Variants in MYO15B observed in about 807,000 individuals in gnomAD.
The protein encoded by MYO15B is myosin XVB pseudogene.
MYO15B carries 207 observed loss-of-function variants against 119.3 expected under a neutral mutation model. The ratio of observed to expected loss-of-function variants is 1.73; its 90% CI spans 1.55 to 1.95. The LOEUF (loss-of-function observed/expected upper bound fraction) is 1.95. Ranked by LOEUF, MYO15B falls within the 30% of genes most tolerant of loss-of-function variation. MYO15B has a pLI of 0.00. For missense variants in MYO15B, 2,264 were observed against 1,203.1 expected (o/e 1.88, Z -13.04); for synonymous variants, 966 against 498.9 (o/e 1.94, Z -12.48).
At chr17:75,611,218 C>T (rs574655202) in intron 23 of MYO15B, among the ~76,000 whole-genome samples, 72 of 152,114 alleles carry the variant, frequency 4.7e-4, no homozygotes, top group Non-Finnish European at 8.5e-4. Flanking sequence ...AATCCCAGCA[C>T]TTTGAGGTCG....
chr17:75,602,949 A>G lies in MYO15B; in HGVS notation c.3845+4A>G. 1 of 692,802 alleles carries G rather than the reference A, an allele frequency of 1.4e-6. No homozygotes were observed. The highest frequency in any genetic ancestry group is 2.6e-6 in the Non-Finnish European group (1 of 379,314). The allele number at this position is 692,802 out of a possible 1,614,324, so 42.9% of individuals were successfully genotyped here. A position where few individuals can be genotyped will look rare whatever the true frequency, so the allele number is the denominator to read the frequency against. On this transcript the variant is annotated splice_donor_region_variant and intron_variant, in intron 17 of 63. Coordinates refer to ENST00000645453, the Ensembl canonical transcript of MYO15B. ...ACCTCATAGCCCGGCTGGGCAGGTA[A>G]GAACAGCGCCCGCCACACCAGACCC...
chr17:75,616,391 G>A, exon 38 of MYO15B: 1 of 619,966 alleles, frequency 1.6e-6, no homozygotes, highest in Non-Finnish European at 2.9e-6. Flanking sequence ...AGGAGGAGGA[G>A]GAGGAGGAGG....
chr17:75,610,827 C>T, intron 22 of MYO15B, 73 bp from the exon 23 acceptor site: 1 of 701,604 alleles, frequency 1.4e-6, no homozygotes, highest in East Asian at 2.7e-5. Context: ...GACAGCTGAA[C>T]TTCAGAGCTG....
At chr17:75,616,196 C>T (rs2058360277) in intron 37 of MYO15B, 49 bp downstream of exon 37, 1 of 571,974 alleles carries the variant, frequency 1.7e-6, no homozygotes, top group South Asian at 2.3e-5. Context: ...GGCCAGTGCC[C>T]CTGGCCCGGG....
At chr17:75,617,356 G>C (rs2058436670) in intron 41 of MYO15B, 52 bp downstream of exon 41, 1 of 589,450 alleles carries the variant, frequency 1.7e-6, no homozygotes, top group Non-Finnish European at 3.0e-6. Context: ...GCAGAGGCAG[G>C]GTTCGCACAG....
chr17:75,625,009 G>A, intron 59 of MYO15B, 93 bp downstream of exon 59: 1 of 667,902 alleles, frequency 1.5e-6, no homozygotes, highest in Non-Finnish European at 2.7e-6. Flanking sequence ...CAAGGGTGTG[G>A]GTCTGTGGTG....
At chr17:75,588,290 G>T (rs1196048260) in exon 1 of MYO15B, 1 of 398,212 alleles carries the variant, frequency 2.5e-6, no homozygotes, top group Non-Finnish European at 4.4e-6. Flanking sequence ...GGCGGCTGCA[G>T]ACGCCCAGGG....
chr17:75,591,657 T>C, exon 5 of MYO15B: 1 of 702,776 alleles, frequency 1.4e-6, no homozygotes, highest in Non-Finnish European at 2.6e-6. Flanking sequence ...GCCAAAAAGA[T>C]CATGCAGTTC....
chr17:75,607,394 G>A (rs2147920344), intron 21 of MYO15B, among the ~76,000 whole-genome samples: 1 of 151,376 alleles, frequency 6.6e-6, no homozygotes, highest in South Asian at 2.1e-4. Flanking sequence ...GCATGTGTCA[G>A]AAATTCATTC....
chr17:75,590,575 C>T (rs1449341638), intron 1 of MYO15B, 51 bp from the exon 2 acceptor site: 3 of 276,676 alleles, frequency 1.1e-5, no homozygotes, highest in South Asian at 3.4e-4. Flanking sequence ...AACTAACCCA[C>T]AACCTCCTGC....
chr17:75,619,754 G>T (rs1398333356), exon 46 of MYO15B: 2 of 702,756 alleles, frequency 2.8e-6, no homozygotes, highest in African/African-American at 3.5e-5. Flanking sequence ...GTGACCCAAG[G>T]CCCCGGCCTC....
intron 14 of MYO15B, among the ~76,000 whole-genome samples, chr17:75,599,822 G>A (rs765176884): frequency 6.9e-4 from 104 of 150,658 alleles, no homozygotes; most frequent in Middle Eastern, 3.4e-3. Context: ...ATGAACCCGG[G>A]AGGTGGAGGT....
Position 75,613,701 on chromosome 17 carries a change from G to T in MYO15B, c.5147-4G>T. On this transcript the variant is annotated splice_region_variant and splice_polypyrimidine_tract_variant and intron_variant, in intron 28 of 63. Coordinates refer to ENST00000645453, the Ensembl canonical transcript of MYO15B. ...TCTTGCCCCCGCCCCCCATGCCCCT[G>T]CAGAGGAGTGCTACTCGGCCGAGGT... 4 of 701,942 alleles carry T rather than the reference G, an allele frequency of 5.7e-6. No homozygotes were observed. Among genetic ancestry groups the T allele is most frequent in the Non-Finnish European group, 1.0e-5 (4 of 384,482 alleles). 43.5% of individuals were successfully genotyped at this position (701,942 alleles called of 1,614,324 possible). A position where few individuals can be genotyped will look rare whatever the true frequency, so the allele number is the denominator to read the frequency against.
rs145254299 is a variant in MYO15B, at chr17:75,596,487, CTG to C, written c.3328_3329del (p.Cys1110GlnfsTer81). The C allele has an allele frequency of 0.081, 56,893 of 703,046 alleles. 2,708 individuals carry two copies. The highest frequency in any genetic ancestry group is 0.16 in the African/African-American group (8,909 of 57,394). The allele number at this position is 703,046 out of a possible 1,614,324, so 43.6% of individuals were successfully genotyped here. On this transcript the variant is annotated frameshift_variant, in exon 13 of 64. Coordinates refer to ENST00000645453, the Ensembl canonical transcript of MYO15B. LOFTEE classifies it high-confidence loss of function. ...CCTGCGGGTGAATGGCCTGGAGCAA[CTG>C]TGCAACAACCTCGCCAGCGAGCGCC...
intron 15 of MYO15B, chr17:75,602,216 C>A: frequency 2.1e-6 from 1 of 476,386 alleles, no homozygotes; most frequent in South Asian, 2.3e-5. Flanking sequence ...AAATGTAAAT[C>A]AAAATAGATT....
intron 4 of MYO15B, 114 bp from the exon 5 acceptor site, chr17:75,591,487 G>C: frequency 1.5e-6 from 1 of 662,224 alleles, no homozygotes; most frequent in Non-Finnish European, 2.8e-6. Flanking sequence ...CCACATTTAT[G>C]GGGGTCTCTC....
rs937682589 is a variant in MYO15B, at chr17:75,625,627, C to G, written c.8905C>G (p.His2969Asp). 16 of 702,934 alleles carry G rather than the reference C, an allele frequency of 2.3e-5. No homozygotes were observed. The African/African-American group carries it at 2.8e-4, about 12-fold the overall frequency. 43.5% of individuals were successfully genotyped at this position (702,934 alleles called of 1,614,324 possible). A position where few individuals can be genotyped will look rare whatever the true frequency, so the allele number is the denominator to read the frequency against. ...TCAGGAGCTGAGACGGCTGGAAGGA[C>G]ACAGCCCCCAGGAAGCACAGATCAG... Residue 2969 changes from histidine to aspartate, a missense_variant, in exon 61 of 64, where the codon CAC becomes GAC. Transcript: ENST00000645453.
chr17:75,594,348 TCTC>T (rs900840482), intron 9 of MYO15B, 124 bp from the exon 10 acceptor site: 2 of 535,548 alleles, frequency 3.7e-6, no homozygotes, highest in African/African-American at 3.8e-5. Flanking sequence ...ATGGCCCAGA[TCTC>T]CTCATGTGAC....
intron 53 of MYO15B, among the ~76,000 whole-genome samples, chr17:75,623,049 G>C (rs111254226): frequency 7.3e-6 from 1 of 136,590 alleles, no homozygotes; most frequent in South Asian, 2.2e-4. Flanking sequence ...AGAGAAGCAG[G>C]GGCCGGGCGC....
Sources: gnomAD v4.1 joint callset for allele counts (sites outside exome capture counted in the v4.1 genomes callset) on GRCh38, gnomAD v4.1.1 for gene constraint, MANE v1.5 for transcripts, NCBI Gene and HGNC (gene_info 2026-07-23, HGNC 2026-07-21) for gene names.